The following TWSG1 variants were observed in gnomAD, a reference collection of about 807,000 sequenced individuals.
The protein encoded by TWSG1 is twisted gastrulation protein homolog 1.
Under a neutral mutation model 23.0 loss-of-function variants are expected in TWSG1, and 15 were observed. The observed-to-expected ratio is 0.65, with a 90% CI of 0.44 to 1.00. The LOEUF (loss-of-function observed/expected upper bound fraction) is 1.00, where lower values mean the gene tolerates loss of function less well. Among genes scored for constraint, TWSG1 ranks in the 50% least tolerant of loss-of-function variants. The probability of loss-of-function intolerance (pLI) is 0.00; values close to 1 mark genes in which losing one functional copy is unlikely to be tolerated. For missense variants in TWSG1, 242 were observed against 278.7 expected, an observed-to-expected ratio of 0.87 and a Z score of 0.94; for synonymous variants, 86 against 92.8, an observed-to-expected ratio of 0.93 and a Z score of 0.42.
intron 3 of TWSG1, among the ~76,000 whole-genome samples, chr18:9,360,973 C>A (rs1273274969): frequency 6.6e-6 from 1 of 152,136 alleles, no homozygotes; most frequent in African/African-American, 2.4e-5. Flanking sequence ...GCATTTAGTT[C>A]TCTTATCTCT....
chr18:9,353,606 A>G lies in TWSG1; in HGVS notation c.124-6366A>G, dbSNP rs1598823409. ...CTACCAAACTTTAAGAACATCTAGCATAGTTATTTACACATAGAAGATGTC... is the reference window on the plus strand; with the variant it reads ...CTACCAAACTTTAAGAACATCTAGCGTAGTTATTTACACATAGAAGATGTC... On this transcript the variant is annotated intron_variant, in intron 2 of 4. Coordinates refer to ENST00000262120, the MANE Select transcript of TWSG1 (RefSeq NM_020648.6). Among the ~76,000 whole-genome samples, 2 of 152,356 alleles carry G rather than the reference A, an allele frequency of 1.3e-5. 1 individual carries two copies. The highest frequency in any genetic ancestry group is 4.1e-4 in the South Asian group (2 of 4,830).
At chr18:9,377,450 C>T (rs2040636069) in intron 3 of TWSG1, among the ~76,000 whole-genome samples, 1 of 151,960 alleles carries the variant, frequency 6.6e-6, no homozygotes, top group Non-Finnish European at 1.5e-5. Context: ...AACTCCTGAC[C>T]TCAAGTGATC....
chr18:9,337,131 T>C (rs1317943111), intron 1 of TWSG1, 62 bp from the exon 2 acceptor site: 2 of 1,398,434 alleles, frequency 1.4e-6, no homozygotes, highest in East Asian at 4.6e-5. Context: ...TTGTTTCTCA[T>C]TTTTATATTT....
rs142283922 is a variant in TWSG1, at chr18:9,344,830, C to T, written c.123+7478C>T. ...TTGCTCTATCATAGCTCACTGCAGC[C>T]TTGAACTCCTGGGCCAACACGATCC... On this transcript the variant is annotated intron_variant, in intron 2 of 4. Coordinates refer to ENST00000262120, the MANE Select transcript of TWSG1 (RefSeq NM_020648.6). Among the ~76,000 whole-genome samples the T allele has an allele frequency of 1.9e-3, 282 of 152,202 alleles. 7 individuals carry two copies. In the East Asian group the frequency reaches 0.043, roughly 23 times the overall value.
Position 9,396,355 on chromosome 18 carries a change from T to A in TWSG1, c.299T>A (p.Ile100Asn). The change falls in exon 4 of 5, where the codon ATC becomes AAC. Residue 100 changes from isoleucine (I) to asparagine (N), a missense_variant. By Grantham distance (149) the Ile-to-Asn change is moderately radical. Transcript: ENST00000262120. ...KSTVEELHEPIPSLFRALTEG... is the reference protein window; with the variant it reads ...KSTVEELHEPNPSLFRALTEG... ...ACAGTGGAGGAGCTGCATGAACCGA[T>A]CCCTTCTCTCTTCCGGGCACTCACA... The A allele has an allele frequency of 1.2e-6, 2 of 1,614,120 alleles. No homozygotes were observed. The highest frequency in any genetic ancestry group is 1.7e-6 in the Non-Finnish European group (2 of 1,180,022).
At chr18:9,348,999 C>T (rs1426869487) in intron 2 of TWSG1, among the ~76,000 whole-genome samples, 1 of 152,158 alleles carries the variant, frequency 6.6e-6, no homozygotes, top group Non-Finnish European at 1.5e-5. Context: ...CTACAAGTTG[C>T]TGTGCCTAAA....
In TWSG1 at chr18:9,401,913, G is replaced by A. The variant is rs1333282178; in HGVS notation, c.*2386G>A. The A allele has an allele frequency of 6.6e-6, 1 of 151,926 alleles. No homozygotes were observed. The highest frequency in any genetic ancestry group is 2.4e-5 in the African/African-American group (1 of 41,374). The allele number at this position is 151,926 out of a possible 1,614,324, so 9.4% of individuals were successfully genotyped here. On this transcript the variant is annotated 3_prime_UTR_variant, in exon 5 of 5. Coordinates refer to ENST00000262120, the MANE Select transcript of TWSG1 (RefSeq NM_020648.6). ...TTAAAGCACTAGGTTTTAAATCAGT[G>A]GGTATCATAAAAGCCATATATAAAA...
At chr18:9,360,222 C>G (rs1236349455) in intron 3 of TWSG1, 151 bp downstream of exon 3, 1 of 555,712 alleles carries the variant, frequency 1.8e-6, no homozygotes, top group Non-Finnish European at 3.1e-6. Flanking sequence ...TTTTTACATT[C>G]AATTGTATTC....
intron 3 of TWSG1, among the ~76,000 whole-genome samples, chr18:9,395,767 A>G (rs1025973905): frequency 6.6e-6 from 1 of 152,134 alleles, no homozygotes; most frequent in African/African-American, 2.4e-5. Context: ...ATGTTTTGCT[A>G]TGTTGCCTAA....
intron 3 of TWSG1, among the ~76,000 whole-genome samples, chr18:9,381,232 G>T (rs897993583): frequency 6.6e-6 from 1 of 152,136 alleles, no homozygotes; most frequent in Non-Finnish European, 1.5e-5. Context: ...ACATTTTGCC[G>T]TAGCGATATA....
intron 3 of TWSG1, among the ~76,000 whole-genome samples, chr18:9,395,575 TATTGATTG>T (rs948560205): frequency 6.6e-6 from 1 of 152,102 alleles, no homozygotes; most frequent in Non-Finnish European, 1.5e-5. Context: ...AATCCATGTT[TATTGATTG>T]ATTGATTGAT....
In TWSG1 at chr18:9,401,491, TA is replaced by T. The variant is rs1189738056; in HGVS notation, c.*1966del. On this transcript the variant is annotated 3_prime_UTR_variant, in exon 5 of 5. Coordinates refer to ENST00000262120, the MANE Select transcript of TWSG1 (RefSeq NM_020648.6). ...TAGGTCTTCATTAAATTTTAAAATG[TA>T]ATATCTGTTTCCCACCCCCTACATT... 2 of 152,270 alleles carry T rather than the reference TA, an allele frequency of 1.3e-5. No homozygotes were observed. The highest frequency in any genetic ancestry group is 3.8e-4 in the East Asian group (2 of 5,196). 9.4% of individuals were successfully genotyped at this position (152,270 alleles called of 1,614,324 possible).
chr18:9,391,380 GT>G (rs1449421700), intron 3 of TWSG1, among the ~76,000 whole-genome samples: 5 of 152,194 alleles, frequency 3.3e-5, no homozygotes, highest in Non-Finnish European at 5.9e-5. Flanking sequence ...AATGTTGATA[GT>G]TTAACATCCT....
At chr18:9,343,574 T>C (rs1450383160) in intron 2 of TWSG1, among the ~76,000 whole-genome samples, 1 of 152,094 alleles carries the variant, frequency 6.6e-6, no homozygotes, top group Non-Finnish European at 1.5e-5. Context: ...CCTTTAGAAG[T>C]CATTTCCTAT....
chr18:9,337,319 C>T lies in TWSG1; in HGVS notation c.90C>T (p.Leu30=), dbSNP rs779181285. 8.1e-6 allele frequency: 13 copies of T among 1,613,358 alleles called. No individual in the cohort carries two copies. In the East Asian group the frequency reaches 2.9e-4, roughly 36 times the overall value. The change falls in exon 2 of 5, where the codon CTC becomes CTT. Residue 30 remains leucine (L), a synonymous_variant. Coordinates refer to ENST00000262120, the MANE Select transcript of TWSG1 (RefSeq NM_020648.6). The stretch of plus-strand genomic sequence containing the variant: ...AATCACTGAGCTGTAACAAAGCACT[C>T]TGTGCTAGTGATGTGAGCAAATGCC... The part of the protein sequence containing the change: ...LPESLSCNKA[L]CASDVSKCLI...
chr18:9,397,253 G>A (rs1441593996), intron 4 of TWSG1, among the ~76,000 whole-genome samples: 1 of 152,202 alleles, frequency 6.6e-6, no homozygotes, highest in Non-Finnish European at 1.5e-5. Context: ...ATTGTCAGGT[G>A]ACATTCAGAG....
intron 3 of TWSG1, among the ~76,000 whole-genome samples, chr18:9,386,755 G>A (rs2040686755): frequency 6.6e-6 from 1 of 152,016 alleles, no homozygotes; most frequent in African/African-American, 2.4e-5. Context: ...ACAACTTCTA[G>A]GTTAAAAAAT....
intron 4 of TWSG1, 31 bp downstream of exon 4, chr18:9,396,577 C>A: frequency 6.3e-7 from 1 of 1,598,860 alleles, no homozygotes; most frequent in Non-Finnish European, 8.5e-7. Flanking sequence ...TTTTCCATTC[C>A]GCCCCCTCAT....
At position 9,337,174 on chromosome 18, in the gene TWSG1, G is replaced by A; in HGVS notation, c.-37-19G>A. 6.3e-7 allele frequency: 1 copy of A among 1,594,460 alleles called. No homozygotes were observed. Among genetic ancestry groups the A allele is most frequent in the South Asian group, 1.1e-5 (1 of 90,554 alleles). On this transcript the variant is annotated intron_variant, in intron 1 of 4. Coordinates refer to ENST00000262120, the MANE Select transcript of TWSG1 (RefSeq NM_020648.6). ...CCCTAGCACTTGCCTTTGAATTAAA[G>A]TTGTGTTTGTTTGTTTAGTTTCCTG...
Sources: gnomAD v4.1 joint callset for allele counts (sites outside exome capture counted in the v4.1 genomes callset) on GRCh38, gnomAD v4.1.1 for gene constraint, MANE v1.5 for transcripts, NCBI Gene and HGNC (gene_info 2026-07-23, HGNC 2026-07-21) for gene names.